Variants in ZFAND3 observed in about 807,000 individuals in gnomAD.
ZFAND3 encodes AN1-type zinc finger protein 3.
A neutral mutation model predicts 29.6 loss-of-function variants in ZFAND3; 10 were observed. The observed-to-expected ratio is 0.34, with a 90% CI of 0.21 to 0.57. The LOEUF (loss-of-function observed/expected upper bound fraction) is 0.57, where lower values mean the gene tolerates loss of function less well. ZFAND3 is among the 20% of genes least tolerant of loss of function. ZFAND3 has a pLI of 0.86. For missense variants in ZFAND3, 230 were observed against 304.5 expected (o/e 0.76, Z 1.82); for synonymous variants, 128 against 112.6 (o/e 1.14, Z -0.87).
chr6:38,088,401 C>T (rs1404218687), intron 4 of ZFAND3: 1 of 152,014 alleles, frequency 6.6e-6, no homozygotes, highest in Non-Finnish European at 1.5e-5. Context: ...GGGAAGGGTA[C>T]TGAAGGGTTG....
chr6:38,120,703 G>A (rs1236951912), intron 5 of ZFAND3, among the ~76,000 whole-genome samples: 1 of 152,190 alleles, frequency 6.6e-6, no homozygotes, highest in Non-Finnish European at 1.5e-5. Flanking sequence ...AAGAGTGTAA[G>A]TTTTAACATA....
At chr6:37,933,651 A>G (rs1369551954) in intron 2 of ZFAND3, among the ~76,000 whole-genome samples, 1 of 152,214 alleles carries the variant, frequency 6.6e-6, no homozygotes, top group Non-Finnish European at 1.5e-5. Flanking sequence ...AAATGTTTGT[A>G]TCAGACCTTT....
chr6:38,116,982 T>C (rs1765430754), intron 5 of ZFAND3, among the ~76,000 whole-genome samples: 1 of 152,178 alleles, frequency 6.6e-6, no homozygotes, highest in African/African-American at 2.4e-5. Flanking sequence ...AATGCATATC[T>C]CCTTAGAGCT....
chr6:38,123,071 TC>T (rs145671403), intron 5 of ZFAND3, among the ~76,000 whole-genome samples: 11 of 152,330 alleles, frequency 7.2e-5, no homozygotes, highest in African/African-American at 2.6e-4. Flanking sequence ...TTGAATACAG[TC>T]AACATGATCT....
chr6:37,965,901 T>A (rs111494422), intron 2 of ZFAND3, among the ~76,000 whole-genome samples: 5 of 152,120 alleles, frequency 3.3e-5, no homozygotes, highest in Non-Finnish European at 7.3e-5. Context: ...TAGCTGGGAC[T>A]ATAGGCATGT....
At chr6:37,857,118 T>C (rs1166689080) in intron 1 of ZFAND3, among the ~76,000 whole-genome samples, 1 of 152,144 alleles carries the variant, frequency 6.6e-6, no homozygotes, top group Non-Finnish European at 1.5e-5. Context: ...TTTTTACTTT[T>C]TGTAGAGATG....
chr6:38,107,857 C>A (rs890818914), intron 4 of ZFAND3, among the ~76,000 whole-genome samples: 1 of 151,352 alleles, frequency 6.6e-6, no homozygotes, highest in East Asian at 1.9e-4. Flanking sequence ...CCATTGATTG[C>A]TTGATTGATT....
At chr6:38,067,075 C>T (rs772495516) in intron 3 of ZFAND3, among the ~76,000 whole-genome samples, 2 of 152,208 alleles carry the variant, frequency 1.3e-5, no homozygotes, top group Non-Finnish European at 2.9e-5. Flanking sequence ...CAACAAGTAT[C>T]CTTGCTAAGT....
At chr6:37,828,345 C>G (rs1763796281) in intron 1 of ZFAND3, among the ~76,000 whole-genome samples, 1 of 152,168 alleles carries the variant, frequency 6.6e-6, no homozygotes, top group African/African-American at 2.4e-5. Flanking sequence ...GCTTTGCTGT[C>G]AGTTCTGTGC....
chr6:37,921,542 AGATAGTAGTCTTGTGTATGTGT>A (rs965044342), intron 1 of ZFAND3, among the ~76,000 whole-genome samples: 1 of 151,754 alleles, frequency 6.6e-6, no homozygotes, highest in African/African-American at 2.4e-5. Flanking sequence ...GAGTGGGGAG[AGATAGTAGTCTTGTGTATGTGT>A]CAGGAAAATA....
At chr6:37,891,423 C>T (rs1357172170) in intron 1 of ZFAND3, among the ~76,000 whole-genome samples, 3 of 142,954 alleles carry the variant, frequency 2.1e-5, no homozygotes, top group Non-Finnish European at 4.5e-5. Flanking sequence ...CAGTCCCCCC[C>T]CCCGCCTTTA....
intron 2 of ZFAND3, among the ~76,000 whole-genome samples, chr6:38,045,893 A>G (rs1763894160): frequency 1.3e-5 from 2 of 152,228 alleles, no homozygotes; most frequent in African/African-American, 2.4e-5. Context: ...CAAAGCAAAA[A>G]TGGAAATACT....
chr6:37,886,390 G>T lies in ZFAND3; in HGVS notation c.72-43569G>T, dbSNP rs534879123. Among the ~76,000 whole-genome samples, 51 of 151,782 alleles carry T rather than the reference G, an allele frequency of 3.4e-4. No homozygotes were observed. In the South Asian group the frequency reaches 4.6e-3, roughly 14 times the overall value. ...TAATGTGATCTTAGGTAAATCACTT[G>T]TGCATCTCTGGGCCTCAGTTTTCTG... is the stretch of plus-strand genomic sequence containing the variant. On this transcript the variant is annotated intron_variant, in intron 1 of 5. Coordinates refer to ENST00000287218, the MANE Select transcript of ZFAND3 (RefSeq NM_021943.3).
intron 1 of ZFAND3, among the ~76,000 whole-genome samples, chr6:37,859,784 G>T (rs182924060): frequency 6.7e-6 from 1 of 149,888 alleles, no homozygotes; most frequent in Non-Finnish European, 1.5e-5. Flanking sequence ...GATGAATAAT[G>T]ATTTATTTTT....
At chr6:38,144,218 A>ATTAT (rs1554183997) in intron 5 of ZFAND3, among the ~76,000 whole-genome samples, 1 of 31,448 alleles carries the variant, frequency 3.2e-5, no homozygotes, top group Non-Finnish European at 6.7e-5. Flanking sequence ...TATAATATAT[A>ATTAT]ATATATATAT....
chr6:37,995,399 C>A (rs151180416), intron 2 of ZFAND3, among the ~76,000 whole-genome samples: 1 of 152,072 alleles, frequency 6.6e-6, no homozygotes, highest in African/African-American at 2.4e-5. Context: ...CTAAAGAGCC[C>A]GGTCTCTTGG....
At position 38,070,413 on chromosome 6, in the gene ZFAND3, TA is replaced by T. The variant is rs377285632; in HGVS notation, c.295+8654del. On this transcript the variant is annotated intron_variant, in intron 3 of 5. Transcript: ENST00000287218. ...TGGGCAACAAGAATGAAACTTAGTC[TA>T]AAAAAAAAAAAAAAAGATTTTATTT... Among the ~76,000 whole-genome samples the T allele has an allele frequency of 6.0e-3, 656 of 108,890 alleles. 4 individuals carry two copies. The highest frequency in any genetic ancestry group is 0.017 in the Middle Eastern group (3 of 178). 71.4% of individuals were successfully genotyped at this position (108,890 alleles called of 152,430 possible).
intron 1 of ZFAND3, among the ~76,000 whole-genome samples, chr6:37,889,596 A>G (rs1765057478): frequency 2.0e-5 from 3 of 152,232 alleles, no homozygotes; most frequent in Non-Finnish European, 1.5e-5. Flanking sequence ...TAAGAAAGGC[A>G]TACAAAGTTG....
intron 1 of ZFAND3, among the ~76,000 whole-genome samples, chr6:37,901,287 G>T (rs1012181702): frequency 2.0e-5 from 3 of 152,124 alleles, no homozygotes; most frequent in African/African-American, 7.2e-5. Flanking sequence ...GTGGTAAATG[G>T]GTAAGAGATG....
Sources: allele counts gnomAD v4.1 joint callset (sites outside exome capture counted in the v4.1 genomes callset), GRCh38; gene constraint gnomAD v4.1.1; transcripts MANE v1.5; gene names NCBI Gene and HGNC (gene_info 2026-07-23, HGNC 2026-07-21).